The following TBC1D8 variants were observed in gnomAD, a reference collection of about 807,000 sequenced individuals.
The protein encoded by TBC1D8 is TBC1 domain family member 8.
In TBC1D8, 65 loss-of-function variants were observed where a neutral mutation model predicts 118.8. That is an observed-to-expected ratio of 0.55 (90% CI 0.45 to 0.67). TBC1D8 has a LOEUF of 0.67. Ranked by LOEUF, TBC1D8 falls within the 30% of genes least tolerant of loss-of-function variation. TBC1D8 has a pLI of 0.00. For missense variants in TBC1D8, 1,376 were observed against 1,471.2 expected (o/e 0.94, Z 1.06); for synonymous variants, 566 against 595.8 (o/e 0.95, Z 0.73).
At chr2:101,104,697 C>T (rs1028078870) in intron 1 of TBC1D8, among the ~76,000 whole-genome samples, 19 of 152,280 alleles carry the variant, frequency 1.2e-4, no homozygotes, top group African/African-American at 4.3e-4. Context: ...CATAAACCTA[C>T]GTGTAAAACA....
intron 17 of TBC1D8, among the ~76,000 whole-genome samples, chr2:101,014,865 C>G (rs1051335556): frequency 9.2e-5 from 14 of 152,200 alleles, no homozygotes; most frequent in Non-Finnish European, 1.6e-4. Flanking sequence ...AACCAGTAGT[C>G]ACATGCTCTC....
intron 12 of TBC1D8, 42 bp from the exon 13 acceptor site, chr2:101,028,474 C>T (rs772550721): frequency 1.5e-5 from 23 of 1,518,762 alleles, no homozygotes; most frequent in African/African-American, 2.8e-5. Context: ...CATCCTCATT[C>T]GGGTACCACA....
chr2:101,009,851 T>C (rs1168572485), intron 19 of TBC1D8, among the ~76,000 whole-genome samples: 1 of 148,946 alleles, frequency 6.7e-6, no homozygotes, highest in African/African-American at 2.5e-5. Context: ...AGATGGAGTC[T>C]CGCTCTGTCG....
chr2:101,142,763 A>G (rs573884395), intron 1 of TBC1D8, among the ~76,000 whole-genome samples: 3 of 152,360 alleles, frequency 2.0e-5, no homozygotes, highest in South Asian at 2.1e-4. Flanking sequence ...TGTTAAAACT[A>G]TAAAGAAAAG....
chr2:101,077,569 C>T (rs545436680), intron 2 of TBC1D8, among the ~76,000 whole-genome samples: 9 of 152,218 alleles, frequency 5.9e-5, no homozygotes, highest in East Asian at 1.9e-4. Context: ...TTTTAAACAA[C>T]GAGATCTCGT....
chr2:101,131,500 C>T (rs576218670), intron 1 of TBC1D8, among the ~76,000 whole-genome samples: 39 of 149,898 alleles, frequency 2.6e-4, no homozygotes, highest in South Asian at 1.3e-3. Context: ...GCAACAAGAG[C>T]GAAACTCCGT....
chr2:101,111,037 T>C (rs546862757), intron 1 of TBC1D8, among the ~76,000 whole-genome samples: 173 of 146,466 alleles, frequency 1.2e-3, no homozygotes, highest in African/African-American at 4.1e-3. Flanking sequence ...TCACGAAAAG[T>C]CACAAATAAC....
At chr2:101,077,000 G>A (rs889903396) in intron 2 of TBC1D8, among the ~76,000 whole-genome samples, 1 of 152,100 alleles carries the variant, frequency 6.6e-6, no homozygotes, top group Non-Finnish European at 1.5e-5. Context: ...CAAGAGAGAG[G>A]CGGTAGTGCT....
chr2:101,134,937 G>T (rs1574074839), intron 1 of TBC1D8, among the ~76,000 whole-genome samples: 2 of 152,252 alleles, frequency 1.3e-5, no homozygotes, highest in East Asian at 1.9e-4. Context: ...ACTTTGGGAG[G>T]CCGAGGCAGG....
intron 6 of TBC1D8, among the ~76,000 whole-genome samples, chr2:101,039,572 C>T (rs987957702): frequency 1.3e-5 from 2 of 152,194 alleles, no homozygotes; most frequent in African/African-American, 4.8e-5. Context: ...GGTACCATCT[C>T]ACCAGAATTG....
chr2:101,038,681 C>A, intron 6 of TBC1D8, 26 bp from the exon 7 acceptor site: 1 of 1,611,342 alleles, frequency 6.2e-7, no homozygotes, highest in Non-Finnish European at 8.5e-7. Flanking sequence ...CATGCAGGGA[C>A]AGAAGGGCGG....
At chr2:101,107,511 T>C (rs989256802) in intron 1 of TBC1D8, among the ~76,000 whole-genome samples, 2 of 152,068 alleles carry the variant, frequency 1.3e-5, no homozygotes, top group African/African-American at 4.8e-5. Flanking sequence ...CCTAATACAG[T>C]TGCATGAAGA....
chr2:101,078,753 C>CAAAAAAAAAAA, intron 2 of TBC1D8, among the ~76,000 whole-genome samples: 9 of 108,104 alleles, frequency 8.3e-5, no homozygotes, highest in East Asian at 6.6e-4. Context: ...CCTTTCTTAG[C>CAAAAAAAAAAA]AAAAAAAAAA....
Position 101,040,255 on chromosome 2 carries a change from T to A in TBC1D8, c.1003A>T (p.Met335Leu), listed in dbSNP as rs1681296342. 6.2e-7 allele frequency: 1 copy of A among 1,613,828 alleles called. No individual in the cohort carries two copies. Among genetic ancestry groups the A allele is most frequent in the African/African-American group, 1.3e-5 (1 of 74,910 alleles). Residue 335 changes from methionine (M) to leucine (L), a missense_variant, in exon 6 of 20, where the codon ATG becomes TTG. Coordinates refer to ENST00000409318, the MANE Select transcript of TBC1D8 (RefSeq NM_001330348.2). ...CAGATGTAGCTGTCAGAGGCGAACA[T>A]CCGCCCCGTGGTGTGACAGCGACTG... ...PFSRCHTTGR[M>L]FASDSYICFA...
intron 1 of TBC1D8, among the ~76,000 whole-genome samples, chr2:101,135,944 C>G (rs1160290184): frequency 1.3e-5 from 2 of 152,204 alleles, no homozygotes; most frequent in Non-Finnish European, 2.9e-5. Flanking sequence ...ACTGCAACCT[C>G]TGCCTCAGGG....
At chr2:101,009,287 T>G (rs1183885586) in intron 19 of TBC1D8, among the ~76,000 whole-genome samples, 2 of 151,662 alleles carry the variant, frequency 1.3e-5, no homozygotes, top group Non-Finnish European at 2.9e-5. Flanking sequence ...GCGCCTGTAG[T>G]CCCAGCTACT....
At chr2:101,138,072 G>A (rs1166034534) in intron 1 of TBC1D8, among the ~76,000 whole-genome samples, 1 of 152,162 alleles carries the variant, frequency 6.6e-6, no homozygotes, top group African/African-American at 2.4e-5. Flanking sequence ...ACCGGAGCAG[G>A]AGGAAGAGGG....
At chr2:101,108,461 C>T (rs1256661295) in intron 1 of TBC1D8, among the ~76,000 whole-genome samples, 1 of 152,176 alleles carries the variant, frequency 6.6e-6, no homozygotes, top group African/African-American at 2.4e-5. Context: ...ACCATAATAG[C>T]TTAAAACAAA....
At chr2:101,038,423 A>C in intron 7 of TBC1D8, 38 bp downstream of exon 7, 5 of 1,599,722 alleles carry the variant, frequency 3.1e-6, no homozygotes, top group Non-Finnish European at 4.3e-6. Flanking sequence ...GGCCTGAGAC[A>C]TGAAGAAGGG....
Sources: allele counts gnomAD v4.1 joint callset (sites outside exome capture counted in the v4.1 genomes callset), GRCh38; gene constraint gnomAD v4.1.1; transcripts MANE v1.5; gene names NCBI Gene and HGNC (gene_info 2026-07-23, HGNC 2026-07-21).